PCNX2: variants seen among roughly 807,000 people sequenced by gnomAD.
The protein encoded by PCNX2 is pecanex 2.
In PCNX2, 168 loss-of-function variants were observed where a neutral mutation model predicts 223.8. The observed-to-expected ratio is 0.75, with a 90% CI of 0.66 to 0.85. The LOEUF (loss-of-function observed/expected upper bound fraction) is 0.85. Among genes scored for constraint, PCNX2 ranks in the 40% least tolerant of loss-of-function variants. The pLI is 0.00. For missense variants in PCNX2, 2,507 were observed against 2,675.5 expected, an observed-to-expected ratio of 0.94 and a Z score of 1.39; for synonymous variants, 1,006 against 1,052.6, an observed-to-expected ratio of 0.96 and a Z score of 0.86.
chr1:233,000,163 C>A lies in PCNX2; in HGVS notation c.5328+142G>T, dbSNP rs1670030865. ...GCCCTGCCCCACTTGCCAGCCAGCG[C>A]TCCTTCCAGAACATCCCTCTGAACA... On this transcript the variant is annotated intron_variant, in intron 30 of 33. Coordinates refer to ENST00000258229, the MANE Select transcript of PCNX2 (RefSeq NM_014801.4). This position sits in a 1 kb window ranked among gnomAD's most constrained non-coding sequence, Gnocchi z 4.6. 17 of 880,196 alleles carry A rather than the reference C, an allele frequency of 1.9e-5. No homozygotes were observed. The highest frequency in any genetic ancestry group is 2.7e-5 in the Non-Finnish European group (15 of 547,210). The allele number at this position is 880,196 out of a possible 1,614,324, so 54.5% of individuals were successfully genotyped here.
At chr1:233,292,235 T>G (rs1294325) in intron 1 of PCNX2, among the ~76,000 whole-genome samples, 1 of 138,226 alleles carries the variant, frequency 7.2e-6, no homozygotes, top group African/African-American at 2.9e-5. Context: ...GAGATGGAGT[T>G]TTGCTCTGTC....
chr1:232,986,549 G>C lies in PCNX2; in HGVS notation c.5792-9C>G. On this transcript the variant is annotated splice_polypyrimidine_tract_variant and intron_variant, in intron 32 of 33. Transcript: ENST00000258229. ...CCTGCCTTTCCTCCTGCCTTTAAAAGAAAGCAGAACACAGAGTTGTAGCGG... is the reference window on the plus strand; with the variant it reads ...CCTGCCTTTCCTCCTGCCTTTAAAACAAAGCAGAACACAGAGTTGTAGCGG... 6.6e-7 allele frequency: 1 copy of C among 1,510,010 alleles called. No homozygotes were observed. The highest frequency in any genetic ancestry group is 8.8e-7 in the Non-Finnish European group (1 of 1,130,070). 93.5% of individuals were successfully genotyped at this position (1,510,010 alleles called of 1,614,324 possible).
In PCNX2 at chr1:233,051,699, T is replaced by C. The variant is rs114340806; in HGVS notation, c.4351+2569A>G. Reference sequence around the variant, plus strand: ...AATAGACACTGGGGACTGGTAGACATTGCAGGTAGAAAAGGGGACAAAGGT... The same window carrying C: ...AATAGACACTGGGGACTGGTAGACACTGCAGGTAGAAAAGGGGACAAAGGT... On this transcript the variant is annotated intron_variant, in intron 25 of 33. Coordinates refer to ENST00000258229, the MANE Select transcript of PCNX2 (RefSeq NM_014801.4). 2.4e-3 allele frequency among the ~76,000 whole-genome samples: 366 copies of C among 152,164 alleles called. 1 individual carries two copies. Among genetic ancestry groups the C allele is most frequent in the South Asian group, 4.8e-3 (23 of 4,818 alleles).
intron 23 of PCNX2, among the ~76,000 whole-genome samples, chr1:233,088,226 C>T (rs1673699001): frequency 6.6e-6 from 1 of 152,184 alleles, no homozygotes; most frequent in South Asian, 2.1e-4. Flanking sequence ...TCCTTTCTGA[C>T]TCAACTGAGA....
intron 23 of PCNX2, among the ~76,000 whole-genome samples, chr1:233,073,792 T>G (rs6688690): frequency 0.013 from 1,980 of 149,708 alleles, 38 homozygotes; most frequent in African/African-American, 0.046. Context: ...TAAAAAAAAT[T>G]TTTTGAAGAG....
intron 21 of PCNX2, among the ~76,000 whole-genome samples, chr1:233,121,746 C>T (rs796593653): frequency 7.9e-5 from 12 of 152,254 alleles, no homozygotes; most frequent in African/African-American, 2.9e-4. Context: ...CTAGAATGAT[C>T]CATGTAGTAA....
At chr1:233,010,566 C>T (rs1670430718) in intron 28 of PCNX2, among the ~76,000 whole-genome samples, 1 of 152,180 alleles carries the variant, frequency 6.6e-6, no homozygotes, top group Non-Finnish European at 1.5e-5. Context: ...GTAATCAAAC[C>T]ATCTCATACT....
At chr1:233,151,499 T>C (rs1336564940) in intron 19 of PCNX2, among the ~76,000 whole-genome samples, 2 of 152,176 alleles carry the variant, frequency 1.3e-5, no homozygotes, top group Non-Finnish European at 2.9e-5. Flanking sequence ...GTTGTTTAAG[T>C]ATCCCTCCCA....
rs921253084 is a variant in PCNX2, at chr1:233,090,154, G to A, written c.3983C>T (p.Ser1328Leu). The stretch of plus-strand genomic sequence containing the variant: ...TGGGCTCAATGGGGTAGAAAAGATT[G>A]ATGTGGCAATCGTCTGAAAGAAAAG... ...AMLFFQTIATSIFSTPLSPFL... is the reference protein window; with the variant it reads ...AMLFFQTIATLIFSTPLSPFL... The change falls in exon 23 of 34, where the codon TCA becomes TTA. Residue 1328 changes from serine (S) to leucine (L), a missense_variant. Physicochemically the swap from Ser to Leu is moderately radical, Grantham distance 145. Transcript: ENST00000258229. 1 of 1,613,712 alleles carries A rather than the reference G, an allele frequency of 6.2e-7. No homozygotes were observed. Among genetic ancestry groups the A allele is most frequent in the Non-Finnish European group, 8.5e-7 (1 of 1,179,776 alleles).
At chr1:233,145,993 A>C (rs2477860) in intron 19 of PCNX2, among the ~76,000 whole-genome samples, 48,695 of 152,022 alleles carry the variant, frequency 0.32, 8,139 homozygotes, top group East Asian at 0.47. Flanking sequence ...AAGCTTTTTG[A>C]GCACTGACAT....
At chr1:232,987,450 A>G (rs993714162) in intron 32 of PCNX2, among the ~76,000 whole-genome samples, 3 of 152,226 alleles carry the variant, frequency 2.0e-5, no homozygotes, top group African/African-American at 7.2e-5. Flanking sequence ...TAATTGCAAA[A>G]TATCATTTTG....
chr1:233,193,903 T>C (rs990298835), intron 15 of PCNX2, among the ~76,000 whole-genome samples: 3 of 152,032 alleles, frequency 2.0e-5, no homozygotes, highest in African/African-American at 7.2e-5. Flanking sequence ...GACTATAGCA[T>C]ACAAATGATG....
At chr1:233,298,675 G>A (rs1410547363), upstream of PCNX2, among the ~76,000 whole-genome samples, 1 of 152,166 alleles carries the variant, frequency 6.6e-6, no homozygotes, top group Non-Finnish European at 1.5e-5. Flanking sequence ...GATCACCTGA[G>A]GTCAGGAGTT....
chr1:233,259,424 A>G (rs933581345), intron 4 of PCNX2, 80 bp from the exon 5 acceptor site: 2 of 1,440,642 alleles, frequency 1.4e-6, no homozygotes, highest in Admixed American at 5.6e-5. Flanking sequence ...GAATAATAAC[A>G]AAACTAAAAC....
At chr1:233,262,305 G>C in intron 2 of PCNX2, 140 bp from the exon 3 acceptor site, 1 of 1,104,008 alleles carries the variant, frequency 9.1e-7, no homozygotes, top group Non-Finnish European at 1.3e-6. Flanking sequence ...TTTTGTTGTT[G>C]TTAAGAGACA....
chr1:233,081,994 T>TTGTG (rs57675075), intron 23 of PCNX2, among the ~76,000 whole-genome samples: 288 of 148,374 alleles, frequency 1.9e-3, no homozygotes, highest in African/African-American at 5.1e-3. Flanking sequence ...CTGTGTGTGT[T>TTGTG]TGTGTGTGTG....
chr1:233,069,860 G>T (rs1672774849), intron 23 of PCNX2, among the ~76,000 whole-genome samples: 1 of 151,810 alleles, frequency 6.6e-6, no homozygotes, highest in Admixed American at 6.6e-5. Flanking sequence ...CCCAAAGCAA[G>T]CATAAGAAAT....
chr1:233,142,905 TC>T (rs1677213592), intron 19 of PCNX2, among the ~76,000 whole-genome samples: 1 of 152,144 alleles, frequency 6.6e-6, no homozygotes, highest in Non-Finnish European at 1.5e-5. Context: ...TTCTCCCATT[TC>T]CTCTGTCATC....
rs1676992728 is a variant in PCNX2, at chr1:233,139,599, A to G, written c.3659+115T>C. On this transcript the variant is annotated intron_variant, in intron 20 of 33. Transcript: ENST00000258229. The surrounding 1 kb of genome is among the most constrained non-coding windows in gnomAD (Gnocchi z 4.4). ...AAAGACCACCATGGCTTATTTTTAC[A>G]TGGCCAATCACAGTCGGTAAAGGTT... 7 of 1,244,632 alleles carry G rather than the reference A, an allele frequency of 5.6e-6. No homozygotes were observed. The highest frequency in any genetic ancestry group is 1.5e-5 in the African/African-American group (1 of 65,652). 77.1% of individuals were successfully genotyped at this position (1,244,632 alleles called of 1,614,324 possible).
Sources: gnomAD v4.1 joint callset for allele counts (sites outside exome capture counted in the v4.1 genomes callset) on GRCh38, gnomAD v4.1.1 for gene constraint, Gnocchi (gnomAD v3.1) non-coding constraint, MANE v1.5 for transcripts, NCBI Gene and HGNC (gene_info 2026-07-23, HGNC 2026-07-21) for gene names.